The following BMPR1B variants were observed in gnomAD, a reference collection of about 807,000 sequenced individuals.
BMPR1B encodes bone morphogenetic protein receptor type 1B.
In BMPR1B, 12 loss-of-function variants were observed where a neutral mutation model predicts 59.1. That is an observed-to-expected ratio of 0.20 (90% CI 0.13 to 0.33). BMPR1B has a LOEUF of 0.33. Among genes scored for constraint, BMPR1B ranks in the 10% least tolerant of loss-of-function variants. BMPR1B has a pLI of 1.00. For missense variants in BMPR1B, 550 were observed against 610.9 expected (o/e 0.90, Z 1.05); for synonymous variants, 237 against 207.3 (o/e 1.14, Z -1.23).
chr4:94,861,653 T>C (rs1457463210), intron 1 of BMPR1B, among the ~76,000 whole-genome samples: 7 of 152,184 alleles, frequency 4.6e-5, no homozygotes, highest in African/African-American at 1.7e-4. Context: ...TGCAAACTTC[T>C]TGAGGTTAGA....
At chr4:94,797,841 G>A (rs1333178709) in intron 1 of BMPR1B, among the ~76,000 whole-genome samples, 2 of 152,164 alleles carry the variant, frequency 1.3e-5, no homozygotes, top group Non-Finnish European at 2.9e-5. Context: ...TAAAGAATTA[G>A]ATTGTCAAAT....
intron 2 of BMPR1B, among the ~76,000 whole-genome samples, chr4:94,978,949 TACACACACAC>T (rs10649707): frequency 1.4e-5 from 2 of 147,696 alleles, no homozygotes; most frequent in African/African-American, 2.5e-5. Flanking sequence ...CACACATACA[TACACACACAC>T]ACACACACAC....
At chr4:94,928,333 T>C (rs1728967972) in intron 2 of BMPR1B, among the ~76,000 whole-genome samples, 1 of 152,028 alleles carries the variant, frequency 6.6e-6, no homozygotes. Flanking sequence ...TTTTTAAAAA[T>C]GTTTGTAGCT....
chr4:94,803,393 A>C (rs1178992646), intron 1 of BMPR1B, among the ~76,000 whole-genome samples: 2 of 151,880 alleles, frequency 1.3e-5, no homozygotes, highest in African/African-American at 4.8e-5. Context: ...CATTGATGTG[A>C]CTCCACCCCC....
At chr4:94,848,526 G>A (rs1016676806) in intron 1 of BMPR1B, among the ~76,000 whole-genome samples, 2 of 152,176 alleles carry the variant, frequency 1.3e-5, no homozygotes, top group Admixed American at 6.5e-5. Context: ...TGATCTAAGA[G>A]GAAACTAGTA....
intron 3 of BMPR1B, among the ~76,000 whole-genome samples, chr4:95,008,798 A>G (rs1723026216): frequency 6.6e-6 from 1 of 152,146 alleles, no homozygotes; most frequent in Non-Finnish European, 1.5e-5. Context: ...AATTTGGTAA[A>G]TATAAAAATA....
intron 3 of BMPR1B, among the ~76,000 whole-genome samples, chr4:95,093,188 G>A (rs1345027193): frequency 2.0e-5 from 3 of 152,026 alleles, no homozygotes; most frequent in Admixed American, 2.0e-4. Context: ...TTACTTGCTT[G>A]TCAAGTTAAT....
chr4:95,067,052 T>C (rs952651282), intron 3 of BMPR1B, among the ~76,000 whole-genome samples: 1 of 152,200 alleles, frequency 6.6e-6, no homozygotes, highest in African/African-American at 2.4e-5. Flanking sequence ...GAAGGATGTA[T>C]TGGTTTCTTA....
In BMPR1B at chr4:95,049,459, T is replaced by A. The variant is rs1226313621; in HGVS notation, c.-18+53325T>A. On this transcript the variant is annotated intron_variant, in intron 3 of 12. Transcript: ENST00000515059. Reference sequence around the variant, plus strand: ...TTTTTTTTTTTTTTTTTTTTTTTTTTTTTTTTTTTTTGCAGTTCATATATT... The same window carrying A: ...TTTTTTTTTTTTTTTTTTTTTTTTTATTTTTTTTTTTGCAGTTCATATATT... 5.0e-5 allele frequency among the ~76,000 whole-genome samples: 3 copies of A among 60,484 alleles called. 1 individual carries two copies. In the Admixed American group the frequency reaches 5.7e-4, roughly 12 times the overall value. The allele number at this position is 60,484 out of a possible 152,430, so 39.7% of individuals were successfully genotyped here.
At chr4:94,835,217 C>G (rs769361177) in intron 1 of BMPR1B, among the ~76,000 whole-genome samples, 1 of 151,850 alleles carries the variant, frequency 6.6e-6, no homozygotes, top group Non-Finnish European at 1.5e-5. Flanking sequence ...AATTAAAGAA[C>G]ATTTTCAAAG....
chr4:94,944,179 A>G (rs1013811751), intron 2 of BMPR1B, among the ~76,000 whole-genome samples: 13 of 152,188 alleles, frequency 8.5e-5, no homozygotes, highest in African/African-American at 3.1e-4. Context: ...AAATTTTCCA[A>G]AATCCAAAAA....
chr4:95,084,355 G>GTA (rs1560640701), intron 3 of BMPR1B, among the ~76,000 whole-genome samples: 5 of 80,770 alleles, frequency 6.2e-5, no homozygotes, highest in Admixed American at 5.2e-4. Context: ...AGGTGTGTGT[G>GTA]TATATATATG....
chr4:94,780,727 C>G (rs1456677813), intron 1 of BMPR1B, among the ~76,000 whole-genome samples: 3 of 135,548 alleles, frequency 2.2e-5, no homozygotes, highest in Non-Finnish European at 4.6e-5. Context: ...CTCGCTCTGT[C>G]GCCCAGGCTG....
intron 1 of BMPR1B, among the ~76,000 whole-genome samples, chr4:94,775,622 A>G (rs1490934079): frequency 1.3e-5 from 2 of 152,322 alleles, no homozygotes; most frequent in African/African-American, 4.8e-5. Flanking sequence ...TAACTTTAGC[A>G]TTAGTGAAGC....
chr4:94,769,391 A>C (rs2110567802), intron 1 of BMPR1B, among the ~76,000 whole-genome samples: 1 of 152,274 alleles, frequency 6.6e-6, no homozygotes, highest in South Asian at 2.1e-4. Context: ...TGGGTGGATC[A>C]CTTGAGGTCA....
intron 2 of BMPR1B, among the ~76,000 whole-genome samples, chr4:94,920,851 G>T (rs1728662075): frequency 6.6e-6 from 1 of 152,096 alleles, no homozygotes; most frequent in South Asian, 2.1e-4. Context: ...TTTCCAAGTG[G>T]CTAAAAAGAT....
At chr4:95,127,346 T>G (rs1031160360) in intron 8 of BMPR1B, among the ~76,000 whole-genome samples, 1 of 152,138 alleles carries the variant, frequency 6.6e-6, no homozygotes, top group Non-Finnish European at 1.5e-5. Context: ...TGAAGTTATA[T>G]TTTTAGGTCC....
chr4:95,056,335 A>T (rs538174910), intron 3 of BMPR1B, among the ~76,000 whole-genome samples: 2 of 152,256 alleles, frequency 1.3e-5, no homozygotes, highest in Non-Finnish European at 2.9e-5. Flanking sequence ...GTTTCTTTTA[A>T]CTTGGAAAAT....
chr4:95,154,856 G>A lies in BMPR1B; in HGVS notation c.*183G>A. On this transcript the variant is annotated 3_prime_UTR_variant, in exon 13 of 13. Coordinates refer to ENST00000515059, the MANE Select transcript of BMPR1B (RefSeq NM_001203.3). ...GCAAAGACAGAGAAGCTCCCAGAAG[G>A]AGAGATTGATCCATGTCTGTTTGTA... 1 of 773,288 alleles carries A rather than the reference G, an allele frequency of 1.3e-6. No individual in the cohort carries two copies. Among genetic ancestry groups the A allele is most frequent in the Non-Finnish European group, 2.1e-6 (1 of 481,370 alleles). 47.9% of individuals were successfully genotyped at this position (773,288 alleles called of 1,614,324 possible).
Sources: gnomAD v4.1 joint callset for allele counts (sites outside exome capture counted in the v4.1 genomes callset) on GRCh38, gnomAD v4.1.1 for gene constraint, MANE v1.5 for transcripts, NCBI Gene and HGNC (gene_info 2026-07-23, HGNC 2026-07-21) for gene names.